Variants in MIPOL1 observed in about 807,000 individuals in gnomAD.
MIPOL1 encodes the protein mirror-image polydactyly gene 1 protein.
Under a neutral mutation model 60.9 loss-of-function variants are expected in MIPOL1, and 57 were observed. That is an observed-to-expected ratio of 0.94 (90% CI 0.76 to 1.17). The LOEUF (loss-of-function observed/expected upper bound fraction) is 1.17, where lower values mean the gene tolerates loss of function less well. Ranked by LOEUF, MIPOL1 falls within the 50% of genes most tolerant of loss-of-function variation. The pLI is 0.00. For missense variants in MIPOL1, 551 were observed against 511.6 expected (o/e 1.08, Z -0.74); for synonymous variants, 179 against 168.8 (o/e 1.06, Z -0.47).
chr14:37,486,425 A>G (rs1487086383), intron 11 of MIPOL1, among the ~76,000 whole-genome samples: 1 of 152,178 alleles, frequency 6.6e-6, no homozygotes, highest in African/African-American at 2.4e-5. Context: ...TTTGGGCAGT[A>G]TGGCCATTTT....
intron 7 of MIPOL1, among the ~76,000 whole-genome samples, chr14:37,296,730 A>G (rs928576262): frequency 6.6e-6 from 1 of 152,196 alleles, no homozygotes; most frequent in Admixed American, 6.5e-5. Context: ...TCCTGGACAC[A>G]TACACCCTCC....
Position 37,499,952 on chromosome 14 carries a change from T to A in MIPOL1, c.1076T>A (p.Phe359Tyr). ...LSQEENLKDQ[F>Y]NYTLSTYEEA... ...CAAGAAGAAAATCTGAAGGATCAGT[T>A]TAACTATACCCTTAGTACATATGAA... The change falls in exon 12 of 13, where the codon TTT (phenylalanine) becomes TAT (tyrosine). Residue 359 changes from phenylalanine (F) to tyrosine (Y), a missense_variant. By Grantham distance (22) the Phe-to-Tyr change is conservative. Coordinates refer to ENST00000684589, the MANE Select transcript of MIPOL1 (RefSeq NM_001388067.1). The A allele has an allele frequency of 6.2e-7, 1 of 1,607,216 alleles. No individual in the cohort carries two copies. Among genetic ancestry groups the A allele is most frequent in the Non-Finnish European group, 8.5e-7 (1 of 1,176,102 alleles).
At chr14:37,378,233 A>G (rs2092829150) in intron 10 of MIPOL1, among the ~76,000 whole-genome samples, 1 of 152,124 alleles carries the variant, frequency 6.6e-6, no homozygotes, top group Non-Finnish European at 1.5e-5. Flanking sequence ...CAAATCATGT[A>G]CATAAATGAT....
intron 6 of MIPOL1, among the ~76,000 whole-genome samples, chr14:37,273,991 G>A (rs2083469759): frequency 6.6e-6 from 1 of 151,232 alleles, no homozygotes; most frequent in Non-Finnish European, 1.5e-5. Flanking sequence ...TTTATTGTTT[G>A]GCTTTTAATT....
chr14:37,362,674 G>T (rs2153487147), intron 9 of MIPOL1, among the ~76,000 whole-genome samples: 1 of 152,292 alleles, frequency 6.6e-6, no homozygotes, highest in South Asian at 2.1e-4. Context: ...GGTTGGGGAA[G>T]TTCTCCTGGA....
At chr14:37,317,389 C>T (rs975436905) in intron 9 of MIPOL1, among the ~76,000 whole-genome samples, 13 of 152,088 alleles carry the variant, frequency 8.5e-5, no homozygotes, top group Admixed American at 3.3e-4. Context: ...TTTTTAAAAA[C>T]GTGTCAGGGA....
intron 10 of MIPOL1, among the ~76,000 whole-genome samples, chr14:37,381,468 G>T (rs1192695107): frequency 6.6e-6 from 1 of 151,980 alleles, no homozygotes; most frequent in Non-Finnish European, 1.5e-5. Context: ...ACCTAGCAGA[G>T]GTCAGGTTAG....
chr14:37,489,250 A>G (rs113133178), intron 11 of MIPOL1, among the ~76,000 whole-genome samples: 3,208 of 152,226 alleles, frequency 0.021, 100 homozygotes, highest in African/African-American at 0.072. Flanking sequence ...TGATCAACTC[A>G]GCTATTGATA....
At chr14:37,509,301 A>C (rs949205811) in intron 12 of MIPOL1, among the ~76,000 whole-genome samples, 1 of 151,750 alleles carries the variant, frequency 6.6e-6, no homozygotes, top group African/African-American at 2.4e-5. Context: ...TGAGAGTTTT[A>C]TATATATATT....
chr14:37,359,124 G>A (rs111677217), intron 9 of MIPOL1, among the ~76,000 whole-genome samples: 2 of 152,166 alleles, frequency 1.3e-5, no homozygotes, highest in East Asian at 3.9e-4. Context: ...TGTCAGGTTT[G>A]TCGAAGACCA....
At chr14:37,487,159 C>A (rs2094960674) in intron 11 of MIPOL1, among the ~76,000 whole-genome samples, 1 of 151,866 alleles carries the variant, frequency 6.6e-6, no homozygotes, top group Admixed American at 6.6e-5. Context: ...ATATGTTGAA[C>A]CATCCTTGCA....
intron 11 of MIPOL1, among the ~76,000 whole-genome samples, chr14:37,455,213 C>T (rs2094464440): frequency 6.6e-6 from 1 of 152,186 alleles, no homozygotes; most frequent in South Asian, 2.1e-4. Context: ...CAACAAATTG[C>T]ATCAATTTTA....
chr14:37,228,423 T>G (rs940743850), intron 1 of MIPOL1, among the ~76,000 whole-genome samples: 1 of 151,218 alleles, frequency 6.6e-6, no homozygotes, highest in Admixed American at 6.6e-5. Flanking sequence ...ACTGGACACC[T>G]TCCTGACTTC....
At chr14:37,366,582 T>A (rs1388879362) in intron 9 of MIPOL1, among the ~76,000 whole-genome samples, 2 of 152,040 alleles carry the variant, frequency 1.3e-5, no homozygotes, top group African/African-American at 4.8e-5. Flanking sequence ...GATCTACCCA[T>A]GAGAATGATC....
intron 12 of MIPOL1, among the ~76,000 whole-genome samples, chr14:37,544,300 T>C (rs2095539944): frequency 6.6e-6 from 1 of 152,250 alleles, no homozygotes; most frequent in Admixed American, 6.5e-5. Flanking sequence ...AGATCTTTAA[T>C]ACTAATGGCA....
Position 37,371,569 on chromosome 14 carries a change from G to T in MIPOL1, c.936+1945G>T, listed in dbSNP as rs180948406. 5.8e-3 allele frequency among the ~76,000 whole-genome samples: 884 copies of T among 152,048 alleles called. 10 individuals are homozygous for T. Among genetic ancestry groups the T allele is most frequent in the African/African-American group, 0.021 (863 of 41,492 alleles). On this transcript the variant is annotated intron_variant, in intron 10 of 12. Coordinates refer to ENST00000684589, the MANE Select transcript of MIPOL1 (RefSeq NM_001388067.1). ...GCTAGCTTAAATTCTTGGTGAAGATGAGAGGAAGAATTAATTTTTTAAAAC... is the reference window on the plus strand; with the variant it reads ...GCTAGCTTAAATTCTTGGTGAAGATTAGAGGAAGAATTAATTTTTTAAAAC...
intron 1 of MIPOL1, among the ~76,000 whole-genome samples, chr14:37,246,331 T>C (rs1973196140): frequency 6.6e-6 from 1 of 152,154 alleles, no homozygotes; most frequent in Non-Finnish European, 1.5e-5. Context: ...TAGATGTAGT[T>C]TGGGACTCAG....
At chr14:37,265,173 T>C (rs775425261) in intron 3 of MIPOL1, 4 of 152,204 alleles carry the variant, frequency 2.6e-5, no homozygotes, top group Non-Finnish European at 5.9e-5. Context: ...CTATTAACTT[T>C]TTATTTCATC....
chr14:37,526,417 T>C (rs1486861212), intron 12 of MIPOL1, among the ~76,000 whole-genome samples: 3 of 149,794 alleles, frequency 2.0e-5, no homozygotes, highest in East Asian at 3.9e-4. Flanking sequence ...TCGTCCAGGC[T>C]CTAGTGCAGT....
Sources: gnomAD v4.1 joint callset for allele counts (sites outside exome capture counted in the v4.1 genomes callset) on GRCh38, gnomAD v4.1.1 for gene constraint, MANE v1.5 for transcripts, NCBI Gene and HGNC (gene_info 2026-07-23, HGNC 2026-07-21) for gene names.